The following CSRNP3 variants were observed in gnomAD, a reference collection of about 807,000 sequenced individuals.
The protein encoded by CSRNP3 is cysteine and serine rich nuclear protein 3.
A neutral mutation model predicts 48.0 loss-of-function variants in CSRNP3; 12 were observed. That is an observed-to-expected ratio of 0.25 (90% CI 0.16 to 0.41). The LOEUF is 0.41. CSRNP3 is among the 10% of genes least tolerant of loss of function. CSRNP3 has a pLI of 1.00. For missense variants in CSRNP3, 580 were observed against 724.4 expected (o/e 0.80, Z 2.29); for synonymous variants, 263 against 269.7 (o/e 0.98, Z 0.24).
At chr2:165,575,856 G>A (rs1336092293) in intron 3 of CSRNP3, among the ~76,000 whole-genome samples, 2 of 151,872 alleles carry the variant, frequency 1.3e-5, no homozygotes, top group African/African-American at 4.8e-5. Flanking sequence ...TTTAGGAAAA[G>A]GAATTCATGT....
At chr2:165,589,264 A>G (rs1227375774) in intron 3 of CSRNP3, among the ~76,000 whole-genome samples, 1 of 152,204 alleles carries the variant, frequency 6.6e-6, no homozygotes, top group Non-Finnish European at 1.5e-5. Context: ...AAGATAATGT[A>G]GGTGATATAG....
Position 165,501,021 on chromosome 2 carries a change from A to G in CSRNP3, c.-113+6093A>G, listed in dbSNP as rs1286614200. 2.0e-5 allele frequency among the ~76,000 whole-genome samples: 3 copies of G among 152,210 alleles called. No individual in the cohort carries two copies. The East Asian group carries it at 5.8e-4, about 29-fold the overall frequency. On this transcript the variant is annotated intron_variant, in intron 2 of 6. Coordinates refer to ENST00000651982, the MANE Select transcript of CSRNP3 (RefSeq NM_001172173.2). ...TCTGCTGTTTGCTGTTTCTATGACAACCATCATTTTGGCTTGGAGAGATTA... is the reference window on the plus strand; with the variant it reads ...TCTGCTGTTTGCTGTTTCTATGACAGCCATCATTTTGGCTTGGAGAGATTA...
chr2:165,624,378 C>T (rs758884837), intron 4 of CSRNP3, among the ~76,000 whole-genome samples: 2 of 152,128 alleles, frequency 1.3e-5, no homozygotes, highest in Non-Finnish European at 1.5e-5. Flanking sequence ...AGAGGGCTTC[C>T]GTCAGGCCAG....
At chr2:165,599,305 G>GAAAGAAAGAA (rs1685866786) in intron 4 of CSRNP3, among the ~76,000 whole-genome samples, 2 of 147,782 alleles carry the variant, frequency 1.4e-5, no homozygotes, top group South Asian at 4.4e-4. Context: ...AAGAAAGAAA[G>GAAAGAAAGAA]AAAGAAAGAA....
intron 1 of CSRNP3, among the ~76,000 whole-genome samples, chr2:165,475,743 C>T (rs938882548): frequency 3.9e-5 from 6 of 152,178 alleles, no homozygotes; most frequent in Non-Finnish European, 8.8e-5. Context: ...CTTCCATGTT[C>T]TTCTCTGTTA....
At chr2:165,633,797 C>T (rs190375960) in intron 4 of CSRNP3, among the ~76,000 whole-genome samples, 1 of 152,148 alleles carries the variant, frequency 6.6e-6, no homozygotes, top group Non-Finnish European at 1.5e-5. Flanking sequence ...TAGACAGAAG[C>T]TCCTCTGCAA....
intron 3 of CSRNP3, among the ~76,000 whole-genome samples, chr2:165,562,220 G>A (rs1441422789): frequency 1.3e-5 from 2 of 152,106 alleles, no homozygotes; most frequent in African/African-American, 4.8e-5. Context: ...TCACAGAACT[G>A]GTCTTGGACA....
Position 165,470,993 on chromosome 2 carries a change from CAAATTT to C in CSRNP3, c.-283+1254_-283+1259del, listed in dbSNP as rs980646613. Among the ~76,000 whole-genome samples, 47 of 151,442 alleles carry C rather than the reference CAAATTT, an allele frequency of 3.1e-4. No individual in the cohort carries two copies. The East Asian group carries it at 7.5e-3, about 24-fold the overall frequency. ...GTTTTTCTTTTTGTTTATTGTTTTT[CAAATTT>C]TTTTATTTATTGTACTTTTTTTGTT... On this transcript the variant is annotated intron_variant, in intron 1 of 6. Coordinates refer to ENST00000651982, the MANE Select transcript of CSRNP3 (RefSeq NM_001172173.2).
intron 5 of CSRNP3, among the ~76,000 whole-genome samples, chr2:165,668,401 C>CTTTTTTTTTTTTTTTTTT (rs71393687): frequency 1.4e-4 from 16 of 111,502 alleles, no homozygotes; most frequent in East Asian, 2.7e-4. Context: ...TTCTTTCTTT[C>CTTTTTTTTTTTTTTTTTT]TTTTTTTTTT....
intron 3 of CSRNP3, chr2:165,574,358 A>C (rs1307639998): frequency 1.9e-6 from 3 of 1,550,080 alleles, no homozygotes; most frequent in South Asian, 1.2e-5. Context: ...GCAGCAGTTA[A>C]ATGAAGTGTG....
At chr2:165,515,977 T>C (rs1295662141) in intron 2 of CSRNP3, among the ~76,000 whole-genome samples, 1 of 152,028 alleles carries the variant, frequency 6.6e-6, no homozygotes, top group Non-Finnish European at 1.5e-5. Flanking sequence ...AGCTAATTTT[T>C]ACATTTTTAG....
chr2:165,616,549 A>G (rs1686247963), intron 4 of CSRNP3, among the ~76,000 whole-genome samples: 1 of 152,194 alleles, frequency 6.6e-6, no homozygotes, highest in African/African-American at 2.4e-5. Context: ...TTTTTAACTA[A>G]CTTTTTATAA....
At chr2:165,516,267 T>C (rs1684581527) in intron 2 of CSRNP3, among the ~76,000 whole-genome samples, 1 of 152,164 alleles carries the variant, frequency 6.6e-6, no homozygotes, top group Non-Finnish European at 1.5e-5. Context: ...CATTCTTAGA[T>C]GTTGCTCAAA....
chr2:165,567,832 TAC>T (rs1217436770), intron 3 of CSRNP3, among the ~76,000 whole-genome samples: 1 of 152,132 alleles, frequency 6.6e-6, no homozygotes, highest in African/African-American at 2.4e-5. Context: ...CCTGTTGTTT[TAC>T]AGTTACTCTC....
chr2:165,656,660 T>G (rs1687010593), intron 4 of CSRNP3, among the ~76,000 whole-genome samples: 1 of 152,224 alleles, frequency 6.6e-6, no homozygotes, highest in Admixed American at 6.5e-5. Context: ...ATGAGAACAC[T>G]GGTCTTTTCA....
In CSRNP3 at chr2:165,502,735, G is replaced by A. The variant is rs370409620; in HGVS notation, c.-113+7807G>A. Among the ~76,000 whole-genome samples, 9 of 151,080 alleles carry A rather than the reference G, an allele frequency of 6.0e-5. No homozygotes were observed. The East Asian group carries it at 9.7e-4, about 16-fold the overall frequency. ...CTCTCTCTCTCCCCCACCTGCCACC[G>A]GCTCCCTCTCTCTCTCTTCCCCTGT... On this transcript the variant is annotated intron_variant, in intron 2 of 6. Transcript: ENST00000651982.
At chr2:165,666,002 A>AAGGC in intron 5 of CSRNP3, among the ~76,000 whole-genome samples, 1 of 136,788 alleles carries the variant, frequency 7.3e-6, no homozygotes, top group African/African-American at 2.7e-5. Context: ...GGAAGGAAGG[A>AAGGC]TAGAGAGGAA....
intron 2 of CSRNP3, among the ~76,000 whole-genome samples, chr2:165,499,433 T>C (rs1684328241): frequency 6.6e-6 from 1 of 152,012 alleles, no homozygotes; most frequent in South Asian, 2.1e-4. Flanking sequence ...AGAGAGACAG[T>C]TGGTGCGATT....
intron 1 of CSRNP3, among the ~76,000 whole-genome samples, chr2:165,470,360 T>C (rs1683877143): frequency 6.6e-6 from 1 of 152,244 alleles, no homozygotes; most frequent in East Asian, 1.9e-4. Flanking sequence ...TTTAAGCTTA[T>C]GTGATAATTA....
Sources: gnomAD v4.1 joint callset for allele counts (sites outside exome capture counted in the v4.1 genomes callset) on GRCh38, gnomAD v4.1.1 for gene constraint, MANE v1.5 for transcripts, NCBI Gene and HGNC (gene_info 2026-07-23, HGNC 2026-07-21) for gene names.